The following NUBPL variants were observed in gnomAD, a reference collection of about 807,000 sequenced individuals.
NUBPL encodes NUBP iron-sulfur cluster assembly factor, mitochondrial.
Under a neutral mutation model 45.7 loss-of-function variants are expected in NUBPL, and 31 were observed. The ratio of observed to expected loss-of-function variants is 0.68; its 90% CI spans 0.51 to 0.92. The LOEUF (loss-of-function observed/expected upper bound fraction) is 0.92. Ranked by LOEUF, NUBPL falls within the 40% of genes least tolerant of loss-of-function variation. NUBPL has a pLI of 0.00. For missense variants in NUBPL, 401 were observed against 398.7 expected, an observed-to-expected ratio of 1.01 and a Z score of -0.05; for synonymous variants, 144 against 140.9, an observed-to-expected ratio of 1.02 and a Z score of -0.15.
Position 31,683,160 on chromosome 14 carries a change from A to T in NUBPL, c.513+9586A>T, listed in dbSNP as rs116343433. 6.4e-3 allele frequency among the ~76,000 whole-genome samples: 979 copies of T among 151,790 alleles called. 11 individuals carry two copies. The highest frequency in any genetic ancestry group is 0.022 in the African/African-American group (917 of 41,398). ...CCTCCCACTAGATTCCACCTCCAAC[A>T]TTGGAGATACAATTTCAACATGAGG... On this transcript the variant is annotated intron_variant, in intron 6 of 10. Transcript: ENST00000281081.
intron 6 of NUBPL, among the ~76,000 whole-genome samples, chr14:31,704,560 G>A (rs1173783848): frequency 1.3e-5 from 2 of 152,034 alleles, no homozygotes; most frequent in Non-Finnish European, 2.9e-5. Flanking sequence ...CTACTCAGGA[G>A]GCTGAGACAG....
intron 6 of NUBPL, among the ~76,000 whole-genome samples, chr14:31,741,495 T>C (rs1014101389): frequency 2.0e-5 from 3 of 152,186 alleles, no homozygotes; most frequent in African/African-American, 7.2e-5. Flanking sequence ...AGAGTAGATC[T>C]TTGTAAGGGT....
chr14:31,639,405 G>C (rs866656199), intron 4 of NUBPL, among the ~76,000 whole-genome samples: 8 of 152,196 alleles, frequency 5.3e-5, no homozygotes, highest in Non-Finnish European at 2.9e-5. Flanking sequence ...CGGATTTCGT[G>C]AACCGCAAAT....
chr14:31,754,702 T>TTTA (rs895521654), intron 6 of NUBPL, among the ~76,000 whole-genome samples: 5 of 151,528 alleles, frequency 3.3e-5, no homozygotes, highest in Non-Finnish European at 1.5e-5. Flanking sequence ...AAAAATTTTT[T>TTTA]TTATTATTAT....
chr14:31,848,731 A>AT (rs1371327649), intron 9 of NUBPL, among the ~76,000 whole-genome samples: 34 of 152,110 alleles, frequency 2.2e-4, no homozygotes, highest in Non-Finnish European at 4.7e-4. Context: ...TTTTAACAAG[A>AT]TTTTTCCCCT....
At chr14:31,593,490 G>C (rs35274353) in intron 3 of NUBPL, among the ~76,000 whole-genome samples, 4,364 of 144,322 alleles carry the variant, frequency 0.03, 95 homozygotes, top group Non-Finnish European at 0.047. Flanking sequence ...CTCCAGCCTG[G>C]GCGACAGAGC....
chr14:31,737,583 G>A (rs1411846965), intron 6 of NUBPL, among the ~76,000 whole-genome samples: 1 of 152,170 alleles, frequency 6.6e-6, no homozygotes, highest in Non-Finnish European at 1.5e-5. Context: ...AGGGGCTTGA[G>A]ACCACCCTGG....
intron 10 of NUBPL, among the ~76,000 whole-genome samples, chr14:31,857,257 A>G (rs1247631611): frequency 6.6e-6 from 1 of 152,094 alleles, no homozygotes; most frequent in Non-Finnish European, 1.5e-5. Flanking sequence ...CCATGGCTGG[A>G]GCAGCTGAGG....
intron 6 of NUBPL, among the ~76,000 whole-genome samples, chr14:31,687,932 A>T (rs1166619385): frequency 6.6e-6 from 1 of 152,228 alleles, no homozygotes; most frequent in Non-Finnish European, 1.5e-5. Context: ...GTGAGAAAAG[A>T]TAAGAAAATT....
At chr14:31,718,847 A>G (rs1452749998) in intron 6 of NUBPL, among the ~76,000 whole-genome samples, 5 of 152,334 alleles carry the variant, frequency 3.3e-5, no homozygotes, top group East Asian at 1.9e-4. Context: ...TGTCTGCTCT[A>G]TATCAAATGA....
intron 4 of NUBPL, among the ~76,000 whole-genome samples, chr14:31,640,537 C>A (rs1021454048): frequency 6.6e-6 from 1 of 150,698 alleles, no homozygotes. Flanking sequence ...ATAACTTGAA[C>A]CTGGGAGGTG....
intron 3 of NUBPL, among the ~76,000 whole-genome samples, chr14:31,597,542 A>T (rs994332518): frequency 6.6e-6 from 1 of 152,184 alleles, no homozygotes; most frequent in Non-Finnish European, 1.5e-5. Context: ...TAGTTAGAAC[A>T]CTTAGTTATG....
intron 6 of NUBPL, among the ~76,000 whole-genome samples, chr14:31,676,680 C>CAT (rs2036707250): frequency 6.6e-6 from 1 of 151,880 alleles, no homozygotes; most frequent in Non-Finnish European, 1.5e-5. Flanking sequence ...TAATATTGAG[C>CAT]CCTTTTCCAC....
chr14:31,633,519 A>G (rs1205917163), intron 4 of NUBPL, among the ~76,000 whole-genome samples: 3 of 152,166 alleles, frequency 2.0e-5, no homozygotes, highest in Non-Finnish European at 4.4e-5. Flanking sequence ...CACGCGCATT[A>G]TTAGTGAAGT....
intron 4 of NUBPL, among the ~76,000 whole-genome samples, chr14:31,653,356 A>C (rs893341031): frequency 3.3e-5 from 5 of 152,120 alleles, no homozygotes; most frequent in Admixed American, 2.0e-4. Context: ...TCCTTATCTC[A>C]ACTGCATAAG....
At chr14:31,606,782 G>A (rs2034612168) in intron 4 of NUBPL, among the ~76,000 whole-genome samples, 1 of 152,140 alleles carries the variant, frequency 6.6e-6, no homozygotes, top group Admixed American at 6.5e-5. Flanking sequence ...CCAAGGTTTT[G>A]ATGGGGGTTG....
intron 4 of NUBPL, among the ~76,000 whole-genome samples, chr14:31,638,827 C>T (rs2035589705): frequency 6.6e-6 from 1 of 152,182 alleles, no homozygotes; most frequent in Admixed American, 6.5e-5. Flanking sequence ...CGCTTCATTT[C>T]ATTCATTTCA....
intron 8 of NUBPL, among the ~76,000 whole-genome samples, chr14:31,832,766 T>G (rs1361966097): frequency 6.6e-6 from 1 of 152,210 alleles, no homozygotes; most frequent in African/African-American, 2.4e-5. Flanking sequence ...CTGAGGAGTT[T>G]GAATTGTAGA....
At chr14:31,657,915 A>C (rs1049917293) in intron 4 of NUBPL, among the ~76,000 whole-genome samples, 1 of 152,206 alleles carries the variant, frequency 6.6e-6, no homozygotes, top group Non-Finnish European at 1.5e-5. Context: ...CAGAACTAAT[A>C]GAAGAAAAAG....
Sources: allele counts gnomAD v4.1 joint callset (sites outside exome capture counted in the v4.1 genomes callset), GRCh38; gene constraint gnomAD v4.1.1; transcripts MANE v1.5; gene names NCBI Gene and HGNC (gene_info 2026-07-23, HGNC 2026-07-21).